XPO7: variants seen among roughly 807,000 people sequenced by gnomAD.
XPO7 encodes exportin-7.
XPO7 carries 21 observed loss-of-function variants against 144.3 expected under a neutral mutation model. The observed-to-expected ratio is 0.15, with a 90% CI of 0.10 to 0.21. The LOEUF (loss-of-function observed/expected upper bound fraction) is 0.21. XPO7 is among the 10% of genes least tolerant of loss of function. The pLI is 1.00. For missense variants in XPO7, 808 were observed against 1,325.8 expected, an observed-to-expected ratio of 0.61 and a Z score of 6.06; for synonymous variants, 580 against 499.6, an observed-to-expected ratio of 1.16 and a Z score of -2.15.
chr8:21,935,523 T>C (rs1810793818), intron 1 of XPO7, among the ~76,000 whole-genome samples: 3 of 152,142 alleles, frequency 2.0e-5, no homozygotes, highest in Admixed American at 2.0e-4. Flanking sequence ...ATACAGATAG[T>C]CTTAACTCAT....
At chr8:21,966,247 G>GT in intron 1 of XPO7, 2 of 776,326 alleles carry the variant, frequency 2.6e-6, no homozygotes, top group East Asian at 4.9e-5. Context: ...TGGAACCAAA[G>GT]TAAGAGTTTA....
chr8:21,957,712 T>C (rs1468664190), intron 1 of XPO7, among the ~76,000 whole-genome samples: 1 of 152,194 alleles, frequency 6.6e-6, no homozygotes, highest in Non-Finnish European at 1.5e-5. Context: ...TGTTAAGACG[T>C]TCTTATGAAG....
At chr8:21,944,739 G>C (rs1434146919) in intron 1 of XPO7, among the ~76,000 whole-genome samples, 1 of 152,084 alleles carries the variant, frequency 6.6e-6, no homozygotes. Context: ...GGTTTTCCTA[G>C]GCCCTGCCGC....
At chr8:21,963,748 A>G (rs2117317597) in intron 1 of XPO7, among the ~76,000 whole-genome samples, 2 of 152,312 alleles carry the variant, frequency 1.3e-5, no homozygotes, top group South Asian at 4.1e-4. Flanking sequence ...AATACTATAC[A>G]CAAAGTAAAA....
Position 21,987,254 on chromosome 8 carries a change from ACCAAGTGCAGAAATCCTCTAAGGTAACAG to A in XPO7, c.1694_1713+9del. On this transcript the variant is annotated splice_donor_variant and splice_donor_5th_base_variant and coding_sequence_variant and intron_variant, in exon 14 of 28. Coordinates refer to ENST00000252512, the MANE Select transcript of XPO7 (RefSeq NM_015024.5). LOFTEE classifies it high-confidence loss of function. ...CAGTTTCGTAAGATCTACATTGGGG[ACCAAGTGCAGAAATCCTCTAAGGTAACAG>A]CCTCTCAATTGGCTCCCCTTAGTTC... 6.2e-7 allele frequency: 1 copy of A among 1,614,024 alleles called. No individual in the cohort carries two copies. The highest frequency in any genetic ancestry group is 2.2e-5 in the East Asian group (1 of 44,886).
chr8:21,952,163 G>A (rs1397864788), intron 1 of XPO7, among the ~76,000 whole-genome samples: 1 of 152,204 alleles, frequency 6.6e-6, no homozygotes, highest in African/African-American at 2.4e-5. Flanking sequence ...CAACAAGCTT[G>A]TAAATGAAAA....
chr8:21,987,729 A>C, intron 14 of XPO7, 55 bp from the exon 15 acceptor site: 1 of 1,590,466 alleles, frequency 6.3e-7, no homozygotes, highest in South Asian at 1.1e-5. Flanking sequence ...AAATAGTACC[A>C]GGATGTGATT....
At chr8:21,934,472 A>C (rs937902041) in intron 1 of XPO7, among the ~76,000 whole-genome samples, 5 of 152,062 alleles carry the variant, frequency 3.3e-5, no homozygotes, top group African/African-American at 9.7e-5. Context: ...GGCAGAGGTT[A>C]CGGTGAGCCG....
intron 4 of XPO7, 81 bp downstream of exon 4, chr8:21,970,391 CAA>C: frequency 1.6e-6 from 2 of 1,250,258 alleles, no homozygotes; most frequent in African/African-American, 1.5e-5. Flanking sequence ...CACACACACA[CAA>C]CTTAACACGC....
intron 1 of XPO7, among the ~76,000 whole-genome samples, chr8:21,963,566 G>A (rs879681593): frequency 2.0e-5 from 3 of 152,018 alleles, no homozygotes; most frequent in Admixed American, 6.5e-5. Context: ...GTGGTGGCAC[G>A]CGCCTGTAGT....
At chr8:21,955,544 T>C (rs1811507850) in intron 1 of XPO7, among the ~76,000 whole-genome samples, 1 of 152,156 alleles carries the variant, frequency 6.6e-6, no homozygotes, top group Admixed American at 6.5e-5. Context: ...TCTGTGAACA[T>C]GACTTGTCCC....
intron 1 of XPO7, among the ~76,000 whole-genome samples, chr8:21,950,712 ATT>A: frequency 6.6e-6 from 1 of 152,282 alleles, no homozygotes. Flanking sequence ...ATATATTCAT[ATT>A]TGTTTTTCAG....
At position 21,995,592 on chromosome 8, in the gene XPO7, C is replaced by A; in HGVS notation, c.2338C>A (p.His780Asn). ...PVLKLMAELV[H>N]NRSQRLQFDV... ...ACTCAAGTTGATGGCTGAATTGGTT[C>A]ATAATAGGTAAGCAGGAGGCAGAGC... The change falls in exon 21 of 28, where the codon CAT (histidine) becomes AAT (asparagine). Residue 780 changes from histidine to asparagine, a missense_variant. His to Asn is a moderately conservative substitution (Grantham distance 68). This residue lies in a region of XPO7 where 416 missense variants were observed against 612.5 expected (regional missense o/e 0.68). Transcript: ENST00000252512. The A allele has an allele frequency of 1.3e-6, 2 of 1,597,176 alleles. No individual in the cohort carries two copies. The highest frequency in any genetic ancestry group is 1.7e-5 in the Admixed American group (1 of 57,834).
chr8:21,956,550 A>G (rs1350532307), intron 1 of XPO7, among the ~76,000 whole-genome samples: 1 of 152,084 alleles, frequency 6.6e-6, no homozygotes, highest in Non-Finnish European at 1.5e-5. Context: ...ACTCCTGTTA[A>G]TTGGATGTTA....
intron 9 of XPO7, among the ~76,000 whole-genome samples, chr8:21,981,002 T>C (rs1218549401): frequency 1.3e-5 from 2 of 150,750 alleles, no homozygotes; most frequent in Non-Finnish European, 3.0e-5. Flanking sequence ...TAAAAAGCAG[T>C]TTATTTCAAA....
intron 1 of XPO7, among the ~76,000 whole-genome samples, chr8:21,945,759 A>G (rs979767511): frequency 6.6e-6 from 1 of 152,258 alleles, no homozygotes; most frequent in Non-Finnish European, 1.5e-5. Flanking sequence ...TATCACTGTA[A>G]TATAAGTAGA....
intron 1 of XPO7, among the ~76,000 whole-genome samples, chr8:21,955,972 C>A (rs535072629): frequency 5.3e-5 from 8 of 152,064 alleles, no homozygotes; most frequent in Non-Finnish European, 8.8e-5. Context: ...TGTGATCCAC[C>A]CGCCTCAGCC....
At chr8:21,981,660 C>G in intron 9 of XPO7, 71 bp from the exon 10 acceptor site, 7 of 1,575,214 alleles carry the variant, frequency 4.4e-6, no homozygotes, top group South Asian at 2.3e-5. Context: ...CATGCCATCT[C>G]AAGTATACAT....
chr8:21,966,131 G>A, intron 1 of XPO7: 2 of 629,162 alleles, frequency 3.2e-6, no homozygotes, highest in Admixed American at 5.3e-5. Flanking sequence ...CCTGGAACTG[G>A]TTCAAGATTT....
Sources: gnomAD v4.1 joint callset for allele counts (sites outside exome capture counted in the v4.1 genomes callset) on GRCh38, gnomAD v4.1.1 for gene constraint, gnomAD v4.1.1 regional missense constraint, MANE v1.5 for transcripts, NCBI Gene and HGNC (gene_info 2026-07-23, HGNC 2026-07-21) for gene names.